CHST11: variants seen among roughly 807,000 people sequenced by gnomAD.
CHST11 encodes C4S-1.
Under a neutral mutation model 30.4 loss-of-function variants are expected in CHST11, and 9 were observed. The ratio of observed to expected loss-of-function variants is 0.30; its 90% confidence interval spans 0.18 to 0.52. The LOEUF (loss-of-function observed/expected upper bound fraction) is 0.52. CHST11 is among the 20% of genes least tolerant of loss of function. The probability of loss-of-function intolerance (pLI) is 0.97; values close to 1 mark genes in which losing one functional copy is unlikely to be tolerated. For missense variants in CHST11, 348 were observed against 460.6 expected (o/e 0.76, Z 2.24); for synonymous variants, 152 against 187.8 (o/e 0.81, Z 1.56).
chr12:104,738,077 C>T (rs1327139723), intron 2 of CHST11, among the ~76,000 whole-genome samples: 2 of 152,170 alleles, frequency 1.3e-5, no homozygotes, highest in African/African-American at 2.4e-5. Context: ...AGGATCCCAA[C>T]GTCCCGCCCT....
intron 1 of CHST11, among the ~76,000 whole-genome samples, chr12:104,491,045 T>C (rs1219632710): frequency 2.6e-5 from 4 of 151,868 alleles, no homozygotes; most frequent in African/African-American, 9.7e-5. Flanking sequence ...ATCTCCGTCT[T>C]AACATCTAGC....
At chr12:104,739,940 G>A (rs553661371) in intron 2 of CHST11, among the ~76,000 whole-genome samples, 4 of 152,300 alleles carry the variant, frequency 2.6e-5, no homozygotes, top group East Asian at 1.9e-4. Context: ...GCTCATCTCC[G>A]CAGAGTTCCA....
At chr12:104,677,177 C>T (rs2039750169) in intron 2 of CHST11, among the ~76,000 whole-genome samples, 2 of 152,168 alleles carry the variant, frequency 1.3e-5, no homozygotes, top group African/African-American at 2.4e-5. Flanking sequence ...CCATTATTCT[C>T]GCAATGATTA....
intron 2 of CHST11, among the ~76,000 whole-genome samples, chr12:104,612,138 T>A (rs1032006221): frequency 6.6e-6 from 1 of 152,192 alleles, no homozygotes; most frequent in Non-Finnish European, 1.5e-5. Context: ...CCAGCCTGCC[T>A]CCCTCACTGA....
intron 2 of CHST11, among the ~76,000 whole-genome samples, chr12:104,684,306 A>ATGGATGGATG (rs1566036984): frequency 6.9e-5 from 9 of 129,824 alleles, no homozygotes; most frequent in African/African-American, 2.6e-4. Context: ...ATGGATGGAT[A>ATGGATGGATG]GATGGGTGAG....
At chr12:104,613,219 C>G (rs1297745628) in intron 2 of CHST11, among the ~76,000 whole-genome samples, 1 of 151,304 alleles carries the variant, frequency 6.6e-6, no homozygotes, top group African/African-American at 2.4e-5. Context: ...AAAAAAGATA[C>G]AGAATCAACT....
chr12:104,631,159 C>T (rs1175340960), intron 2 of CHST11, among the ~76,000 whole-genome samples: 1 of 152,180 alleles, frequency 6.6e-6, no homozygotes, highest in East Asian at 1.9e-4. Context: ...GTCAATGGAG[C>T]AAGTTCGCAG....
At position 104,703,977 on chromosome 12, in the gene CHST11, C is replaced by T. The variant is rs561314100; in HGVS notation, c.205-52972C>T. 2.6e-5 allele frequency among the ~76,000 whole-genome samples: 4 copies of T among 152,306 alleles called. No individual in the cohort carries two copies. In the East Asian group the frequency reaches 5.8e-4, roughly 22 times the overall value. ...GGTAGTTACGACCGGGTTCTTGTAA[C>T]GGCTCCTTAGGGCCTGGTTCGTAGC... On this transcript the variant is annotated intron_variant, in intron 2 of 2. Coordinates refer to ENST00000303694, the MANE Select transcript of CHST11 (RefSeq NM_018413.6).
At chr12:104,653,721 G>T (rs1417956050) in intron 2 of CHST11, among the ~76,000 whole-genome samples, 3 of 152,100 alleles carry the variant, frequency 2.0e-5, no homozygotes, top group Non-Finnish European at 4.4e-5. Flanking sequence ...AACCCTATAT[G>T]CAGAAACCTT....
intron 2 of CHST11, among the ~76,000 whole-genome samples, chr12:104,714,221 G>T (rs1403725866): frequency 1.3e-5 from 2 of 152,236 alleles, no homozygotes; most frequent in East Asian, 1.9e-4. Flanking sequence ...ACTTGTTCAA[G>T]TCCCTATCAC....
At chr12:104,718,954 C>T (rs978842334) in intron 2 of CHST11, among the ~76,000 whole-genome samples, 3 of 152,166 alleles carry the variant, frequency 2.0e-5, no homozygotes, top group Non-Finnish European at 4.4e-5. Context: ...GAGCTTCTGT[C>T]GGGGAAGGTT....
At chr12:104,558,538 T>TCCCCCCCCCCCCCCCCCCCCCCCCCCCCC (rs71441899) in intron 1 of CHST11, among the ~76,000 whole-genome samples, 4 of 117,762 alleles carry the variant, frequency 3.4e-5, no homozygotes, top group Admixed American at 9.4e-5. Flanking sequence ...CAGCAGAAAT[T>TCCCCCCCCCCCCCCCCCCCCCCCCCCCCC]CCCCCCCCCG....
intron 1 of CHST11, among the ~76,000 whole-genome samples, chr12:104,530,715 G>T (rs1158909148): frequency 6.6e-6 from 1 of 152,176 alleles, no homozygotes; most frequent in Non-Finnish European, 1.5e-5. Flanking sequence ...AATCTCCATG[G>T]AATTCTTCTC....
chr12:104,699,493 G>A (rs1490510698), intron 2 of CHST11, among the ~76,000 whole-genome samples: 1 of 152,176 alleles, frequency 6.6e-6, no homozygotes, highest in Non-Finnish European at 1.5e-5. Context: ...ATTTTAGATT[G>A]TAAGTGTGGC....
chr12:104,531,419 G>C (rs1256012629), intron 1 of CHST11, among the ~76,000 whole-genome samples: 2 of 150,334 alleles, frequency 1.3e-5, no homozygotes, highest in African/African-American at 5.0e-5. Flanking sequence ...AGGAGGTTGA[G>C]GCTGCAGTGA....
At chr12:104,670,220 G>T (rs2039677309) in intron 2 of CHST11, among the ~76,000 whole-genome samples, 1 of 152,172 alleles carries the variant, frequency 6.6e-6, no homozygotes, top group Non-Finnish European at 1.5e-5. Context: ...GAGGCCTTGT[G>T]GTCTCCCAAC....
chr12:104,647,871 A>G (rs1447805551), intron 2 of CHST11, among the ~76,000 whole-genome samples: 1 of 152,170 alleles, frequency 6.6e-6, no homozygotes, highest in African/African-American at 2.4e-5. Flanking sequence ...GTGCCCTCAC[A>G]TGGTTATCAA....
intron 2 of CHST11, among the ~76,000 whole-genome samples, chr12:104,659,199 A>G (rs1237591338): frequency 2.0e-5 from 3 of 152,234 alleles, no homozygotes; most frequent in African/African-American, 7.2e-5. Flanking sequence ...GTTCTGCATC[A>G]CAGACTCTGC....
chr12:104,482,814 A>T, intron 1 of CHST11, among the ~76,000 whole-genome samples: 1 of 152,212 alleles, frequency 6.6e-6, no homozygotes, highest in Middle Eastern at 3.4e-3. Flanking sequence ...GAGTCTGTGC[A>T]TCCCCCCACT....
Sources: gnomAD v4.1 joint callset for allele counts (sites outside exome capture counted in the v4.1 genomes callset) on GRCh38, gnomAD v4.1.1 for gene constraint, MANE v1.5 for transcripts, NCBI Gene and HGNC (gene_info 2026-07-23, HGNC 2026-07-21) for gene names.